The following MEGF11 variants were observed in gnomAD, a reference collection of about 807,000 sequenced individuals.
MEGF11 encodes multiple epidermal growth factor-like domains protein 11.
Under a neutral mutation model 146.6 loss-of-function variants are expected in MEGF11, and 126 were observed. That is an observed-to-expected ratio of 0.86 (90% CI 0.74 to 1.00). The LOEUF (loss-of-function observed/expected upper bound fraction) is 1.00. Among genes scored for constraint, MEGF11 ranks in the 50% least tolerant of loss-of-function variants. MEGF11 has a pLI of 0.00. For synonymous variants in MEGF11, 532 were observed against 583.4 expected, an observed-to-expected ratio of 0.91 and a Z score of 1.27; for missense variants, 1,509 against 1,521.2, an observed-to-expected ratio of 0.99 and a Z score of 0.13.
chr15:66,221,064 C>T (rs1311476311), intron 1 of MEGF11, among the ~76,000 whole-genome samples: 1 of 152,074 alleles, frequency 6.6e-6, no homozygotes, highest in Non-Finnish European at 1.5e-5. Flanking sequence ...TACCCAAGAA[C>T]TCTCTACTAT....
chr15:66,103,211 C>T (rs528372992), intron 4 of MEGF11, among the ~76,000 whole-genome samples: 14 of 152,304 alleles, frequency 9.2e-5, no homozygotes, highest in Non-Finnish European at 1.6e-4. Context: ...AAAATCTGTC[C>T]CTCCTCAACC....
intron 13 of MEGF11, among the ~76,000 whole-genome samples, chr15:65,923,833 G>A (rs1292518636): frequency 6.6e-6 from 1 of 152,188 alleles, no homozygotes; most frequent in Non-Finnish European, 1.5e-5. Context: ...CAGCCTGAAG[G>A]TGAAGAAGGA....
chr15:65,910,281 C>T (rs1045358097), intron 21 of MEGF11, among the ~76,000 whole-genome samples: 1 of 152,186 alleles, frequency 6.6e-6, no homozygotes, highest in Non-Finnish European at 1.5e-5. Flanking sequence ...AGGAAAGCTT[C>T]AGAACAGAGT....
intron 5 of MEGF11, among the ~76,000 whole-genome samples, chr15:66,042,221 T>C (rs1242775690): frequency 6.6e-6 from 1 of 152,004 alleles, no homozygotes; most frequent in Non-Finnish European, 1.5e-5. Context: ...GCGATTTTCA[T>C]GTCTCAGCCT....
chr15:66,065,301 G>GA (rs111808815), intron 5 of MEGF11, among the ~76,000 whole-genome samples: 3,324 of 133,876 alleles, frequency 0.025, 83 homozygotes, highest in South Asian at 0.15. Context: ...CTATGATGGT[G>GA]AAAAAAAAAA....
intron 9 of MEGF11, among the ~76,000 whole-genome samples, chr15:65,958,273 C>T (rs769647820): frequency 3.9e-5 from 6 of 152,228 alleles, no homozygotes; most frequent in Non-Finnish European, 7.3e-5. Flanking sequence ...AGAGCAACCC[C>T]AACCTACGCT....
At chr15:66,197,701 C>T (rs1360986211) in intron 1 of MEGF11, among the ~76,000 whole-genome samples, 8 of 152,172 alleles carry the variant, frequency 5.3e-5, no homozygotes, top group Non-Finnish European at 1.2e-4. Flanking sequence ...GGATTACAGG[C>T]GTGAGCCACT....
chr15:66,163,204 G>A (rs1477797), intron 1 of MEGF11, among the ~76,000 whole-genome samples: 25,268 of 152,152 alleles, frequency 0.17, 2,259 homozygotes, highest in East Asian at 0.38. Flanking sequence ...GCTCCATCCT[G>A]CTTTAATATT....
chr15:66,109,543 C>G (rs748231982), intron 4 of MEGF11, among the ~76,000 whole-genome samples: 8 of 152,244 alleles, frequency 5.3e-5, no homozygotes, highest in Middle Eastern at 3.4e-3. Context: ...AGGTAGTTAC[C>G]CAATGGGACT....
chr15:66,043,544 T>C (rs576895254), intron 5 of MEGF11, among the ~76,000 whole-genome samples: 1 of 152,370 alleles, frequency 6.6e-6, no homozygotes, highest in Non-Finnish European at 1.5e-5. Flanking sequence ...AGAAGCCATA[T>C]TTGAGAAGGC....
At chr15:66,038,775 G>A (rs976444028) in intron 5 of MEGF11, among the ~76,000 whole-genome samples, 3 of 152,146 alleles carry the variant, frequency 2.0e-5, no homozygotes, top group African/African-American at 7.2e-5. Context: ...GTTTCCTAGG[G>A]CAGATGATGA....
chr15:66,243,556 T>C (rs1211031736), intron 1 of MEGF11, among the ~76,000 whole-genome samples: 1 of 151,772 alleles, frequency 6.6e-6, no homozygotes, highest in Non-Finnish European at 1.5e-5. Context: ...GCTGGAAGAG[T>C]TGTGAGATGC....
chr15:65,938,238 C>G (rs1465284163), intron 10 of MEGF11, among the ~76,000 whole-genome samples: 2 of 152,086 alleles, frequency 1.3e-5, no homozygotes, highest in Non-Finnish European at 2.9e-5. Flanking sequence ...TAAACTGAGG[C>G]CAAAAAAGGG....
At chr15:66,071,198 C>G (rs944291880) in intron 5 of MEGF11, among the ~76,000 whole-genome samples, 1 of 152,232 alleles carries the variant, frequency 6.6e-6, no homozygotes, top group African/African-American at 2.4e-5. Flanking sequence ...TAGGATAACA[C>G]CTACCTGTTC....
chr15:66,174,379 T>A (rs1204947415), intron 1 of MEGF11, among the ~76,000 whole-genome samples: 1 of 152,052 alleles, frequency 6.6e-6, no homozygotes, highest in African/African-American at 2.4e-5. Context: ...CGAGACTTAA[T>A]CAAGAGAAAC....
chr15:66,169,306 T>A (rs927515069), intron 1 of MEGF11, among the ~76,000 whole-genome samples: 1 of 152,234 alleles, frequency 6.6e-6, no homozygotes, highest in Non-Finnish European at 1.5e-5. Flanking sequence ...TCTCCCTGGC[T>A]TCAGCCCCCA....
chr15:66,113,525 C>T (rs1035913449), intron 4 of MEGF11, among the ~76,000 whole-genome samples: 2 of 152,190 alleles, frequency 1.3e-5, no homozygotes, highest in Non-Finnish European at 2.9e-5. Flanking sequence ...CATGCTTTCT[C>T]CCTGCTGCCG....
intron 5 of MEGF11, among the ~76,000 whole-genome samples, chr15:66,080,291 T>C (rs1367462181): frequency 6.6e-6 from 1 of 152,204 alleles, no homozygotes; most frequent in East Asian, 1.9e-4. Flanking sequence ...GACCCAGCCC[T>C]GACAGTCACC....
rs767520450 is a variant in MEGF11 at position 65,965,600 on chromosome 15, C to CT, written c.900-481dup. Among the ~76,000 whole-genome samples, 102 of 18,874 alleles carry CT rather than the reference C, an allele frequency of 5.4e-3. 10 individuals carry two copies. The highest frequency in any genetic ancestry group is 0.022 in the African/African-American group (98 of 4,520). 12.4% of individuals were successfully genotyped at this position (18,874 alleles called of 152,430 possible). A position where few individuals can be genotyped will look rare whatever the true frequency, so the allele number is the denominator to read the frequency against. ...TCTTTCTTTCTTTCTTTCTTTCTTT[C>CT]TTTTTTTTTTTTCTTTTTTTTTTTT... On this transcript the variant is annotated intron_variant, in intron 8 of 25. Transcript: ENST00000395614.
Sources: allele counts gnomAD v4.1 joint callset (sites outside exome capture counted in the v4.1 genomes callset), GRCh38; gene constraint gnomAD v4.1.1; transcripts MANE v1.5; gene names NCBI Gene and HGNC (gene_info 2026-07-23, HGNC 2026-07-21).